SDAD1: variants seen among roughly 807,000 people sequenced by gnomAD.
The protein encoded by SDAD1 is protein SDA1 homolog.
A neutral mutation model predicts 100.3 loss-of-function variants in SDAD1; 79 were observed. The observed-to-expected ratio is 0.79, with a 90% CI of 0.66 to 0.95. The LOEUF is 0.95. SDAD1 is among the 40% of genes least tolerant of loss of function. SDAD1 has a pLI of 0.00. For missense variants in SDAD1, 790 were observed against 810.9 expected (o/e 0.97, Z 0.31); for synonymous variants, 267 against 271.4 (o/e 0.98, Z 0.16).
intron 7 of SDAD1, 147 bp downstream of exon 7, chr4:75,973,929 A>G (rs1730008304): frequency 3.3e-6 from 2 of 601,132 alleles, no homozygotes; most frequent in South Asian, 4.1e-5. Context: ...GTGTGCAGGC[A>G]TGCAGTTTAT....
At position 75,957,895 on chromosome 4, in the gene SDAD1, A is replaced by T; in HGVS notation, c.1530T>A (p.Gly510=). The change falls in exon 18 of 22, where the codon GGT becomes GGA. Residue 510 remains glycine, a synonymous_variant. Coordinates refer to ENST00000356260, the MANE Select transcript of SDAD1 (RefSeq NM_018115.4). ...TSLSEEEDAD[G]EWIDVQHSSD... ...AAGAGTGTTGCACATCAATCCATTC[A>T]CCATCAGCATCCTCCTCCTCACTGA... The T allele has an allele frequency of 6.2e-7, 1 of 1,613,278 alleles. No individual in the cohort carries two copies. Among genetic ancestry groups the T allele is most frequent in the Non-Finnish European group, 8.5e-7 (1 of 1,180,008 alleles).
rs186699845 is a variant in SDAD1 at position 75,965,927 on chromosome 4, G to A, written c.1046-105C>T. The A allele has an allele frequency of 1.0e-4, 91 of 872,010 alleles. 1 individual carries two copies. The highest frequency in any genetic ancestry group is 2.8e-4 in the Admixed American group (12 of 43,404). 54.0% of individuals were successfully genotyped at this position (872,010 alleles called of 1,614,324 possible). ...ATTCTGGTCTAAATGGTATTGCTGC[G>A]TATTCCACCTGGAACACTCAATCCC... On this transcript the variant is annotated intron_variant, in intron 12 of 21. Coordinates refer to ENST00000356260, the MANE Select transcript of SDAD1 (RefSeq NM_018115.4).
intron 13 of SDAD1, 152 bp from the exon 14 acceptor site, chr4:75,964,363 G>A (rs1729419462): frequency 8.0e-6 from 5 of 623,630 alleles, no homozygotes; most frequent in African/African-American, 5.9e-5. Flanking sequence ...AAGGAAGACA[G>A]AAGAAAACAC....
chr4:75,981,157 A>T (rs138492703), intron 3 of SDAD1, among the ~76,000 whole-genome samples: 1 of 152,242 alleles, frequency 6.6e-6, no homozygotes, highest in East Asian at 1.9e-4. Context: ...ACAGGCTGGA[A>T]GCAGATCATG....
chr4:75,960,978 C>G, intron 16 of SDAD1, 50 bp downstream of exon 16: 1 of 1,480,104 alleles, frequency 6.8e-7, no homozygotes, highest in Non-Finnish European at 9.4e-7. Flanking sequence ...AAATTTCTCT[C>G]AGTTTGTGAG....
intron 7 of SDAD1, 57 bp downstream of exon 7, chr4:75,974,019 C>T: frequency 7.0e-7 from 1 of 1,428,746 alleles, no homozygotes; most frequent in Non-Finnish European, 9.9e-7. Flanking sequence ...CTTCTAACTG[C>T]ATGCAGAAGC....
chr4:75,971,338 T>G lies in SDAD1; in HGVS notation c.813+19A>C. ...TCACTCTAATCACTCCTATCTCATT[T>G]TCCAGATACAAGTCCCACCTTGAGC... On this transcript the variant is annotated intron_variant, in intron 9 of 21. Transcript: ENST00000356260. The G allele has an allele frequency of 6.4e-7, 1 of 1,555,184 alleles. No individual in the cohort carries two copies. Among genetic ancestry groups the G allele is most frequent in the Non-Finnish European group, 8.9e-7 (1 of 1,127,200 alleles).
At chr4:75,979,383 C>T (rs1314662363) in intron 3 of SDAD1, among the ~76,000 whole-genome samples, 15 of 152,126 alleles carry the variant, frequency 9.9e-5, no homozygotes, top group Non-Finnish European at 4.4e-5. Flanking sequence ...AAAAGAGCTT[C>T]TTCCAGTGTG....
intron 7 of SDAD1, 98 bp from the exon 8 acceptor site, chr4:75,973,489 C>G: frequency 1.2e-6 from 1 of 807,218 alleles, no homozygotes; most frequent in Non-Finnish European, 2.1e-6. Flanking sequence ...GAACTAAGAT[C>G]TGAAGAACAA....
Position 75,990,896 on chromosome 4 carries a change from G to A in SDAD1, c.-55C>T, listed in dbSNP as rs1731231989. 2.5e-6 allele frequency: 4 copies of A among 1,607,738 alleles called. No homozygotes were observed. Among genetic ancestry groups the A allele is most frequent in the African/African-American group, 2.7e-5 (2 of 74,814 alleles). ...AGTTTTAAAAAAACTCAGACGGCCG[G>A]CACCCCGCAATCCCTGCCAGCTGCA... On this transcript the variant is annotated 5_prime_UTR_variant, in exon 1 of 22. Coordinates refer to ENST00000356260, the MANE Select transcript of SDAD1 (RefSeq NM_018115.4).
chr4:75,961,682 C>G (rs1729238585), intron 14 of SDAD1, among the ~76,000 whole-genome samples: 1 of 152,212 alleles, frequency 6.6e-6, no homozygotes, highest in Non-Finnish European at 1.5e-5. Flanking sequence ...ATATCACTTA[C>G]TTATCAGGAC....
intron 9 of SDAD1, among the ~76,000 whole-genome samples, chr4:75,970,775 C>T (rs1040772059): frequency 2.0e-5 from 3 of 152,160 alleles, no homozygotes; most frequent in African/African-American, 4.8e-5. Context: ...AGTGAGTTCT[C>T]ACAAGATCTG....
chr4:75,972,760 G>A (rs907859203), intron 8 of SDAD1, among the ~76,000 whole-genome samples: 6 of 148,606 alleles, frequency 4.0e-5, no homozygotes, highest in African/African-American at 7.5e-5. Flanking sequence ...GGTGGCTCAC[G>A]TCTGTTATCC....
rs867493458 is a variant in SDAD1, at chr4:75,950,439, T to G, written c.*311A>C. ...TCCACCCTCACAGCTAAGCTGTCAA[T>G]GCCTTGAGTGAAGGGGTTACAGCTC... On this transcript the variant is annotated 3_prime_UTR_variant, in exon 22 of 22. Transcript: ENST00000356260. The G allele has an allele frequency of 7.4e-6, 2 of 269,120 alleles. No individual in the cohort carries two copies. The allele number at this position is 269,120 out of a possible 1,614,324, so 16.7% of individuals were successfully genotyped here. A position where few individuals can be genotyped will look rare whatever the true frequency, so the allele number is the denominator to read the frequency against.
At chr4:75,984,739 CTA>C (rs1393630256) in intron 1 of SDAD1, among the ~76,000 whole-genome samples, 2 of 145,272 alleles carry the variant, frequency 1.4e-5, no homozygotes, top group Non-Finnish European at 3.0e-5. Flanking sequence ...CATACATAGT[CTA>C]TGTCTTTAAA....
chr4:75,981,837 C>G lies in SDAD1; in HGVS notation c.195+96G>C, dbSNP rs540302325. ...GTTAGAAAAATATTTTAATTAAGTT[C>G]CCATTCCAGAGTGGAATAAGGTTGA... On this transcript the variant is annotated intron_variant, in intron 2 of 21. Coordinates refer to ENST00000356260, the MANE Select transcript of SDAD1 (RefSeq NM_018115.4). 2.8e-5 allele frequency: 25 copies of G among 906,292 alleles called. 1 individual carries two copies. In the South Asian group the frequency reaches 4.3e-4, roughly 15 times the overall value. 56.1% of individuals were successfully genotyped at this position (906,292 alleles called of 1,614,324 possible). A position where few individuals can be genotyped will look rare whatever the true frequency, so the allele number is the denominator to read the frequency against.
At chr4:75,970,424 A>T in intron 9 of SDAD1, 46 bp from the exon 10 acceptor site, 3 of 1,427,462 alleles carry the variant, frequency 2.1e-6, no homozygotes, top group Non-Finnish European at 3.0e-6. Flanking sequence ...TACAGTGATG[A>T]TGCTCTTAGA....
rs1011074191 is a variant in SDAD1 at position 75,982,136 on chromosome 4, C to T, written c.91-99G>A. Reference sequence around the variant, plus strand: ...ATTCTTAGTAGAAACTGTTGACGATCACATGGAGAAAAAGATAATGCAAAA... The same window carrying T: ...ATTCTTAGTAGAAACTGTTGACGATTACATGGAGAAAAAGATAATGCAAAA... On this transcript the variant is annotated intron_variant, in intron 1 of 21. Transcript: ENST00000356260. 1.6e-5 allele frequency: 11 copies of T among 669,882 alleles called. No individual in the cohort carries two copies. The African/African-American group carries it at 2.1e-4, about 13-fold the overall frequency. The allele number at this position is 669,882 out of a possible 1,614,324, so 41.5% of individuals were successfully genotyped here. A position where few individuals can be genotyped will look rare whatever the true frequency, so the allele number is the denominator to read the frequency against.
intron 4 of SDAD1, 92 bp downstream of exon 4, chr4:75,977,554 A>G: frequency 1.2e-6 from 1 of 821,314 alleles, no homozygotes; most frequent in Admixed American, 2.0e-5. Flanking sequence ...TAAAGTTATT[A>G]TTAACAATGT....
Sources: gnomAD v4.1 joint callset for allele counts (sites outside exome capture counted in the v4.1 genomes callset) on GRCh38, gnomAD v4.1.1 for gene constraint, MANE v1.5 for transcripts, NCBI Gene and HGNC (gene_info 2026-07-23, HGNC 2026-07-21) for gene names.